Variants in FBXW7 observed in about 807,000 individuals in gnomAD.
FBXW7 encodes the protein F-box/WD repeat-containing protein 7.
In FBXW7, 11 loss-of-function variants were observed where a neutral mutation model predicts 86.3. The ratio of observed to expected loss-of-function variants is 0.13; its 90% confidence interval spans 0.08 to 0.21. The LOEUF (loss-of-function observed/expected upper bound fraction) is 0.21, where lower values mean the gene tolerates loss of function less well. FBXW7 is among the 10% of genes least tolerant of loss of function. The probability of loss-of-function intolerance (pLI) is 1.00; values close to 1 mark genes in which losing one functional copy is unlikely to be tolerated. For synonymous variants in FBXW7, 313 were observed against 297.9 expected (o/e 1.05, Z -0.52); for missense variants, 488 against 847.4 (o/e 0.58, Z 5.27).
At chr4:152,459,258 A>G (rs1742714774) in intron 2 of FBXW7, among the ~76,000 whole-genome samples, 2 of 152,238 alleles carry the variant, frequency 1.3e-5, no homozygotes, top group South Asian at 2.1e-4. Context: ...CATTATCATC[A>G]TATTTTCAAA....
chr4:152,419,497 ACACACACACACACACAC>A (rs1738752980), intron 2 of FBXW7, among the ~76,000 whole-genome samples: 1 of 145,152 alleles, frequency 6.9e-6, no homozygotes, highest in Admixed American at 6.8e-5. Flanking sequence ...TAAGGTAAAC[ACACACACACACACACAC>A]ACACACACAC....
intron 4 of FBXW7, among the ~76,000 whole-genome samples, chr4:152,355,511 C>T (rs1732285701): frequency 6.6e-6 from 1 of 152,024 alleles, no homozygotes; most frequent in Non-Finnish European, 1.5e-5. Flanking sequence ...TGTTTGTCAT[C>T]TATATTTTTA....
chr4:152,361,984 A>AAAGAAC (rs1732998830), intron 4 of FBXW7, among the ~76,000 whole-genome samples: 3 of 150,734 alleles, frequency 2.0e-5, no homozygotes, highest in African/African-American at 7.3e-5. Context: ...AAAAAAAAAA[A>AAAGAAC]AGAACAGAAC....
At chr4:152,393,406 A>G (rs1736157599) in intron 4 of FBXW7, among the ~76,000 whole-genome samples, 1 of 152,194 alleles carries the variant, frequency 6.6e-6, no homozygotes, top group South Asian at 2.1e-4. Flanking sequence ...GATAGAGAAT[A>G]ATGATTCTGT....
intron 4 of FBXW7, among the ~76,000 whole-genome samples, chr4:152,403,393 G>A (rs1006430449): frequency 2.6e-5 from 4 of 151,326 alleles, no homozygotes; most frequent in African/African-American, 7.3e-5. Flanking sequence ...CAGGATAATC[G>A]CTTGAACCTG....
chr4:152,430,314 G>A (rs1374596145), intron 2 of FBXW7, among the ~76,000 whole-genome samples: 1 of 152,166 alleles, frequency 6.6e-6, no homozygotes, highest in Non-Finnish European at 1.5e-5. Flanking sequence ...AAGTGAGGGT[G>A]TTTTGAAGTT....
At chr4:152,490,274 A>G (rs1405531556) in intron 2 of FBXW7, among the ~76,000 whole-genome samples, 1 of 152,134 alleles carries the variant, frequency 6.6e-6, no homozygotes, top group Non-Finnish European at 1.5e-5. Flanking sequence ...AATATTGTGA[A>G]TGTACTTGAT....
At chr4:152,444,786 G>C (rs1259405354) in intron 2 of FBXW7, among the ~76,000 whole-genome samples, 1 of 152,128 alleles carries the variant, frequency 6.6e-6, no homozygotes, top group East Asian at 1.9e-4. Context: ...ATGTAAACTG[G>C]TACTTTTAAC....
intron 2 of FBXW7, among the ~76,000 whole-genome samples, chr4:152,481,402 T>C (rs1159438363): frequency 6.6e-6 from 1 of 152,218 alleles, no homozygotes; most frequent in Non-Finnish European, 1.5e-5. Context: ...CTGATGGAGA[T>C]ATACCAGAAG....
At chr4:152,502,873 T>C (rs949634522) in intron 2 of FBXW7, among the ~76,000 whole-genome samples, 2 of 152,198 alleles carry the variant, frequency 1.3e-5, no homozygotes, top group African/African-American at 4.8e-5. Context: ...GTGAATTTTA[T>C]AAGAACTTTC....
intron 4 of FBXW7, chr4:152,382,468 G>A: frequency 1.6e-6 from 2 of 1,218,718 alleles, no homozygotes; most frequent in Non-Finnish European, 2.0e-6. Context: ...AAGGCCTGCT[G>A]CTTTTGTCTT....
At position 152,524,928 on chromosome 4, in the gene FBXW7, A is replaced by T. The variant is rs1749370433; in HGVS notation, c.-120+10013T>A. ...CAAATTCACACAGCAGTCAATTAAG[A>T]GACCACCAATCATGCAAAAGAAAAC... On this transcript the variant is annotated intron_variant, in intron 2 of 13. Coordinates refer to ENST00000281708, the MANE Select transcript of FBXW7 (RefSeq NM_001349798.2). Among the ~76,000 whole-genome samples, 3 of 152,222 alleles carry T rather than the reference A, an allele frequency of 2.0e-5. No individual in the cohort carries two copies. In the South Asian group the frequency reaches 6.2e-4, roughly 32 times the overall value.
rs754569245 is a variant in FBXW7 at position 152,324,311 on chromosome 4, C to T, written c.1728G>A (p.Thr576=). The change falls in exon 13 of 14, where the codon ACG becomes ACA. Residue 576 remains threonine (T), a synonymous_variant. Transcript: ENST00000281708. ...TTGTTAACGACTGGTGCCCTGTTAACGTGTGAATGCAATTCCCTGTCTCCA... is the reference window on the plus strand; with the variant it reads ...TTGTTAACGACTGGTGCCCTGTTAATGTGTGAATGCAATTCCCTGTCTCCA... ...WDVETGNCIH[T]LTGHQSLTSG... is the part of the protein sequence containing the mutation. 5.6e-6 allele frequency: 9 copies of T among 1,612,954 alleles called. No individual in the cohort carries two copies. In the South Asian group the frequency reaches 7.7e-5, roughly 14 times the overall value.
chr4:152,460,839 C>T (rs1175616023), intron 2 of FBXW7, among the ~76,000 whole-genome samples: 1 of 152,136 alleles, frequency 6.6e-6, no homozygotes, highest in African/African-American at 2.4e-5. Context: ...ATTTATTCCC[C>T]ATCTGAGACT....
rs965651766 is a variant in FBXW7, at chr4:152,321,111, C to T, written c.*1770G>A. 2.1e-4 allele frequency: 40 copies of T among 191,434 alleles called. No individual in the cohort carries two copies. The highest frequency in any genetic ancestry group is 8.8e-4 in the African/African-American group (38 of 43,144). The allele number at this position is 191,434 out of a possible 1,614,324, so 11.9% of individuals were successfully genotyped here. On this transcript the variant is annotated 3_prime_UTR_variant, in exon 14 of 14. Coordinates refer to ENST00000281708, the MANE Select transcript of FBXW7 (RefSeq NM_001349798.2). ...AGTTGCAGCACATTATCCTTACTTT[C>T]GCGGTATAAAACAGGCTTGAAGTAT...
At chr4:152,443,680 T>G (rs1052183792) in intron 2 of FBXW7, among the ~76,000 whole-genome samples, 1 of 152,160 alleles carries the variant, frequency 6.6e-6, no homozygotes, top group Non-Finnish European at 1.5e-5. Flanking sequence ...AATCAAAATT[T>G]GCTGGGTGGG....
chr4:152,524,627 T>A (rs1029492304), intron 2 of FBXW7, among the ~76,000 whole-genome samples: 2 of 152,174 alleles, frequency 1.3e-5, no homozygotes, highest in African/African-American at 2.4e-5. Flanking sequence ...GACCTCTGAC[T>A]AAGACTGAAC....
At chr4:152,406,694 T>C (rs931387015) in intron 4 of FBXW7, among the ~76,000 whole-genome samples, 5 of 152,178 alleles carry the variant, frequency 3.3e-5, no homozygotes, top group African/African-American at 1.2e-4. Flanking sequence ...GGGTACATAT[T>C]TTATCAACTA....
At chr4:152,325,903 T>G in intron 12 of FBXW7, 103 bp downstream of exon 12, 2 of 843,940 alleles carry the variant, frequency 2.4e-6, no homozygotes, top group South Asian at 4.1e-5. Flanking sequence ...CTGATTAATC[T>G]TTTTTGGACT....
Sources: gnomAD v4.1 joint callset for allele counts (sites outside exome capture counted in the v4.1 genomes callset) on GRCh38, gnomAD v4.1.1 for gene constraint, MANE v1.5 for transcripts, NCBI Gene and HGNC (gene_info 2026-07-23, HGNC 2026-07-21) for gene names.